The following FOXP1 variants were observed in gnomAD, a reference collection of about 807,000 sequenced individuals.
The protein encoded by FOXP1 is forkhead box P1, also known as forkhead box protein P1.
FOXP1 carries 15 observed loss-of-function variants against 98.2 expected under a neutral mutation model. The ratio of observed to expected loss-of-function variants is 0.15; its 90% CI spans 0.10 to 0.24. FOXP1 has a LOEUF of 0.24. Among genes scored for constraint, FOXP1 ranks in the 10% least tolerant of loss-of-function variants. The pLI, the probability that FOXP1 is intolerant of heterozygous loss-of-function variation, is 1.00. For missense variants in FOXP1, 633 were observed against 848.5 expected (o/e 0.75, Z 3.15); for synonymous variants, 371 against 314.5 (o/e 1.18, Z -1.90).
intron 7 of FOXP1, among the ~76,000 whole-genome samples, chr3:71,095,284 G>T (rs1015146012): frequency 5.9e-5 from 9 of 152,182 alleles, no homozygotes; most frequent in African/African-American, 2.2e-4. Flanking sequence ...CCATTAGATG[G>T]TGGGTATCTG....
At chr3:71,375,667 G>T (rs1408231852) in intron 3 of FOXP1, among the ~76,000 whole-genome samples, 1 of 152,082 alleles carries the variant, frequency 6.6e-6, no homozygotes, top group Non-Finnish European at 1.5e-5. Flanking sequence ...GAAATGAAAT[G>T]GTTTCTCCAA....
intron 6 of FOXP1, among the ~76,000 whole-genome samples, chr3:71,128,358 G>A (rs751212677): frequency 2.6e-5 from 4 of 151,202 alleles, no homozygotes; most frequent in Non-Finnish European, 5.9e-5. Context: ...ATAGATTTGA[G>A]CCTTTCCCTT....
chr3:71,184,812 C>T (rs1373474961), intron 6 of FOXP1, among the ~76,000 whole-genome samples: 2 of 151,336 alleles, frequency 1.3e-5, no homozygotes, highest in African/African-American at 4.9e-5. Context: ...CAAAATTACA[C>T]ATACAAACAC....
chr3:71,223,744 C>T (rs983711186), intron 5 of FOXP1, among the ~76,000 whole-genome samples: 17 of 151,036 alleles, frequency 1.1e-4, no homozygotes, highest in African/African-American at 4.1e-4. Context: ...ACTCGAGATG[C>T]ATTTTATTTT....
At chr3:71,298,291 C>T (rs2073521900) in intron 5 of FOXP1, among the ~76,000 whole-genome samples, 1 of 151,936 alleles carries the variant, frequency 6.6e-6, no homozygotes, top group African/African-American at 2.4e-5. Flanking sequence ...ATGGTGAAAC[C>T]CCGCCTCTCC....
chr3:71,139,303 C>A (rs1302390288), intron 6 of FOXP1, among the ~76,000 whole-genome samples: 3 of 152,096 alleles, frequency 2.0e-5, no homozygotes, highest in East Asian at 1.9e-4. Context: ...ATACAATGCA[C>A]TGACTTCTCT....
At chr3:71,009,892 G>A (rs2043335217) in intron 12 of FOXP1, among the ~76,000 whole-genome samples, 9 of 150,908 alleles carry the variant, frequency 6.0e-5, no homozygotes, top group Admixed American at 5.9e-4. Flanking sequence ...AAGACTATGG[G>A]CACATGCCAC....
At chr3:71,153,691 G>A (rs149967625) in intron 6 of FOXP1, among the ~76,000 whole-genome samples, 181 of 152,198 alleles carry the variant, frequency 1.2e-3, no homozygotes, top group African/African-American at 4.3e-3. Context: ...ACCTAAAGAG[G>A]TGGATTCCAG....
intron 7 of FOXP1, chr3:71,064,788 G>A: frequency 1.0e-6 from 1 of 984,856 alleles, no homozygotes; most frequent in Non-Finnish European, 1.2e-6. Flanking sequence ...GGGGGAAGGA[G>A]AGCGAAACCG....
At chr3:71,437,929 G>A (rs2085521975) in intron 3 of FOXP1, among the ~76,000 whole-genome samples, 1 of 152,168 alleles carries the variant, frequency 6.6e-6, no homozygotes, top group Admixed American at 6.5e-5. Flanking sequence ...ACGAAATTGA[G>A]TCAAAGAGAG....
intron 5 of FOXP1, among the ~76,000 whole-genome samples, chr3:71,221,028 T>C (rs751488714): frequency 3.0e-4 from 45 of 151,702 alleles, no homozygotes; most frequent in Non-Finnish European, 5.3e-4. Context: ...TCATCCAATC[T>C]CCACCCACTA....
At chr3:71,287,909 T>C (rs576318676) in intron 5 of FOXP1, among the ~76,000 whole-genome samples, 3 of 152,256 alleles carry the variant, frequency 2.0e-5, no homozygotes, top group African/African-American at 7.2e-5. Context: ...AGACAGAGTT[T>C]TGCTCCTGTT....
At chr3:71,272,611 T>C (rs2704800) in intron 5 of FOXP1, among the ~76,000 whole-genome samples, 64,133 of 150,244 alleles carry the variant, frequency 0.43, 14,516 homozygotes, top group East Asian at 0.73. Context: ...CTTGTTTTCC[T>C]TCAAAACTAG....
At chr3:70,974,821 A>G (rs990070855) in intron 17 of FOXP1, among the ~76,000 whole-genome samples, 1 of 152,236 alleles carries the variant, frequency 6.6e-6, no homozygotes, top group Non-Finnish European at 1.5e-5. Flanking sequence ...CAGAAATGAA[A>G]GGTCTTAAAG....
intron 2 of FOXP1, among the ~76,000 whole-genome samples, chr3:71,502,306 A>C (rs2107203686): frequency 6.6e-6 from 1 of 152,328 alleles, no homozygotes; most frequent in South Asian, 2.1e-4. Flanking sequence ...AGCTCCCTGG[A>C]AGGACGGTCA....
chr3:71,506,788 A>C (rs2041856449), intron 2 of FOXP1, among the ~76,000 whole-genome samples: 1 of 152,228 alleles, frequency 6.6e-6, no homozygotes, highest in African/African-American at 2.4e-5. Flanking sequence ...AAGAGCAGGA[A>C]GCTGAACATC....
rs7634852 is a variant in FOXP1 at position 71,354,257 on chromosome 3, G to A, written c.-73+4893C>T. On this transcript the variant is annotated intron_variant, in intron 4 of 20. Coordinates refer to ENST00000649528, the MANE Select transcript of FOXP1 (RefSeq NM_001349338.3). ...TGCGCCACTGCGCTCCAGCCTGGGT[G>A]ACAGAGCGAGACTCCGTCTCCAGAA... 5.7e-3 allele frequency among the ~76,000 whole-genome samples: 871 copies of A among 151,592 alleles called. 11 individuals carry two copies. Among genetic ancestry groups the A allele is most frequent in the Non-Finnish European group, 9.6e-3 (651 of 67,932 alleles).
At chr3:71,565,468 T>A (rs1472103486) in intron 2 of FOXP1, among the ~76,000 whole-genome samples, 2 of 152,144 alleles carry the variant, frequency 1.3e-5, no homozygotes, top group Non-Finnish European at 2.9e-5. Flanking sequence ...CTAAACAGAC[T>A]CTTAATAAGA....
intron 6 of FOXP1, among the ~76,000 whole-genome samples, chr3:71,122,994 C>G (rs2058889375): frequency 6.6e-6 from 1 of 152,110 alleles, no homozygotes; most frequent in Admixed American, 6.5e-5. Flanking sequence ...CACCTTCTAA[C>G]TTTAATCTCC....
Sources: gnomAD v4.1 joint callset for allele counts (sites outside exome capture counted in the v4.1 genomes callset) on GRCh38, gnomAD v4.1.1 for gene constraint, MANE v1.5 for transcripts, NCBI Gene and HGNC (gene_info 2026-07-23, HGNC 2026-07-21) for gene names.